Variants in WWP1 observed in about 807,000 individuals in gnomAD.
WWP1 encodes the protein WW domain containing E3 ubiquitin protein ligase 1.
WWP1 carries 49 observed loss-of-function variants against 130.6 expected under a neutral mutation model. The observed-to-expected ratio is 0.38, with a 90% CI of 0.30 to 0.48. The LOEUF is 0.48. WWP1 is among the 20% of genes least tolerant of loss of function. The probability of loss-of-function intolerance (pLI) is 0.99; values close to 1 mark genes in which losing one functional copy is unlikely to be tolerated. For missense variants in WWP1, 809 were observed against 1,100.6 expected (o/e 0.74, Z 3.75); for synonymous variants, 332 against 367.8 (o/e 0.90, Z 1.11).
At chr8:86,431,250 T>C (rs1306616739) in intron 12 of WWP1, among the ~76,000 whole-genome samples, 156 bp from the exon 13 acceptor site, 1 of 143,418 alleles carries the variant, frequency 7.0e-6, no homozygotes, top group Admixed American at 7.2e-5. Flanking sequence ...ATATATATTA[T>C]ATTCTATATA....
At chr8:86,349,833 C>T (rs955750296) in intron 1 of WWP1, among the ~76,000 whole-genome samples, 3 of 151,702 alleles carry the variant, frequency 2.0e-5, no homozygotes, top group Non-Finnish European at 2.9e-5. Context: ...GTGATTTACC[C>T]GATCTCGTGA....
At chr8:86,377,526 T>A (rs1037250372) in intron 3 of WWP1, among the ~76,000 whole-genome samples, 4 of 152,094 alleles carry the variant, frequency 2.6e-5, no homozygotes, top group African/African-American at 4.8e-5. Context: ...TTTTAGCATA[T>A]TTACTCTTAT....
intron 5 of WWP1, among the ~76,000 whole-genome samples, chr8:86,386,439 G>A (rs1014586813): frequency 4.4e-5 from 5 of 113,990 alleles, no homozygotes; most frequent in Non-Finnish European, 6.4e-5. Flanking sequence ...ATAGCAGGCT[G>A]TTCTCTCCCT....
intron 1 of WWP1, among the ~76,000 whole-genome samples, chr8:86,358,996 G>A (rs1823410321): frequency 6.6e-6 from 1 of 152,194 alleles, no homozygotes; most frequent in African/African-American, 2.4e-5. Context: ...GATTAGAAAT[G>A]AAGGAGAAGA....
At chr8:86,464,823 G>A (rs1250672944) in intron 24 of WWP1, among the ~76,000 whole-genome samples, 1 of 152,146 alleles carries the variant, frequency 6.6e-6, no homozygotes, top group Non-Finnish European at 1.5e-5. Context: ...AAGGTTGACA[G>A]TATTTTTAAG....
intron 2 of WWP1, among the ~76,000 whole-genome samples, chr8:86,372,318 G>A (rs1047556778): frequency 1.1e-4 from 16 of 151,998 alleles, no homozygotes; most frequent in African/African-American, 3.6e-4. Flanking sequence ...CACCGCGCCC[G>A]GCCTAATTTT....
intron 1 of WWP1, among the ~76,000 whole-genome samples, chr8:86,346,323 T>C (rs1306382668): frequency 1.3e-5 from 2 of 152,028 alleles, no homozygotes; most frequent in Non-Finnish European, 2.9e-5. Flanking sequence ...ATTGGGAGGC[T>C]GAGGCAGGAG....
chr8:86,389,736 C>G (rs1014769600), intron 5 of WWP1, among the ~76,000 whole-genome samples: 3 of 150,426 alleles, frequency 2.0e-5, no homozygotes, highest in Non-Finnish European at 3.0e-5. Flanking sequence ...GGCGGCCGGG[C>G]AGAGGCGCCC....
At chr8:86,387,753 ACCTCAAGTGATCTGCCTG>A (rs918133784) in intron 5 of WWP1, among the ~76,000 whole-genome samples, 1 of 152,064 alleles carries the variant, frequency 6.6e-6, no homozygotes, top group African/African-American at 2.4e-5. Context: ...CGAACTCCTG[ACCTCAAGTGATCTGCCTG>A]CCTCAGCCTC....
In WWP1 at chr8:86,361,987, TATATAC is replaced by T. The variant is rs1436545068; in HGVS notation, c.-114-6946_-114-6941del. Among the ~76,000 whole-genome samples the T allele has an allele frequency of 3.7e-4, 50 of 135,986 alleles. 1 individual carries two copies. In the South Asian group the frequency reaches 0.011, roughly 29 times the overall value. The allele number at this position is 135,986 out of a possible 152,430, so 89.2% of individuals were successfully genotyped here. A position where few individuals can be genotyped will look rare whatever the true frequency, so the allele number is the denominator to read the frequency against. ...TAGTGTGTGTGTGTATATATATATATATATACATATATATACACACATATATATATA... is the reference window on the plus strand; with the variant it reads ...TAGTGTGTGTGTGTATATATATATATATATATATACACACATATATATATA... On this transcript the variant is annotated intron_variant, in intron 1 of 24. Transcript: ENST00000517970.
At chr8:86,394,364 C>T (rs1012025446) in intron 5 of WWP1, among the ~76,000 whole-genome samples, 2 of 152,154 alleles carry the variant, frequency 1.3e-5, no homozygotes, top group African/African-American at 2.4e-5. Context: ...GAGTAAGTTC[C>T]CCTAGGACAG....
intron 2 of WWP1, among the ~76,000 whole-genome samples, chr8:86,372,785 A>G (rs372073465): frequency 1.6e-3 from 238 of 152,156 alleles, no homozygotes; most frequent in African/African-American, 5.3e-3. Flanking sequence ...CCCCTTCGTT[A>G]GTCTTATCAG....
chr8:86,411,497 T>C, intron 8 of WWP1, 41 bp from the exon 9 acceptor site: 3 of 1,549,688 alleles, frequency 1.9e-6, no homozygotes, highest in Non-Finnish European at 2.6e-6. Context: ...GATTGCTTTA[T>C]CATTACTTGA....
intron 17 of WWP1, chr8:86,440,713 C>T (rs1810546720): frequency 2.2e-6 from 1 of 454,200 alleles, no homozygotes; most frequent in African/African-American, 2.0e-5. Flanking sequence ...TTCCATTTTT[C>T]TTCAGGAACA....
At chr8:86,433,173 T>TGC (rs1170172819) in intron 14 of WWP1, among the ~76,000 whole-genome samples, 5 of 151,962 alleles carry the variant, frequency 3.3e-5, no homozygotes, top group Non-Finnish European at 7.4e-5. Flanking sequence ...GATTTCCCTC[T>TGC]GCGTTTCTGT....
intron 12 of WWP1, 69 bp from the exon 13 acceptor site, chr8:86,431,335 TTA>T (rs1167245017): frequency 6.6e-6 from 3 of 455,276 alleles, no homozygotes; most frequent in African/African-American, 6.5e-5. Context: ...TTATATATAA[TTA>T]TATGTGTTCC....
At chr8:86,382,285 A>G (rs1825027249) in intron 5 of WWP1, among the ~76,000 whole-genome samples, 1 of 152,194 alleles carries the variant, frequency 6.6e-6, no homozygotes, top group Admixed American at 6.5e-5. Flanking sequence ...GAGTTTAATT[A>G]TTTGTAAACC....
chr8:86,357,594 T>A (rs1416944236), intron 1 of WWP1, among the ~76,000 whole-genome samples: 1 of 152,212 alleles, frequency 6.6e-6, no homozygotes, highest in Non-Finnish European at 1.5e-5. Flanking sequence ...CTGGATACAG[T>A]GGCGAGGACT....
In WWP1 at chr8:86,401,214, T is replaced by C. The variant is rs553296199; in HGVS notation, c.540-805T>C. Among the ~76,000 whole-genome samples the C allele has an allele frequency of 5.9e-5, 9 of 152,234 alleles. No individual in the cohort carries two copies. In the East Asian group the frequency reaches 1.7e-3, roughly 29 times the overall value. On this transcript the variant is annotated intron_variant, in intron 7 of 24. Transcript: ENST00000517970. ...TTAGTGCCTAGTATATGCTAATTTGTAACTAATATTTGAAGACTGTTTTTC... is the reference window on the plus strand; with the variant it reads ...TTAGTGCCTAGTATATGCTAATTTGCAACTAATATTTGAAGACTGTTTTTC...
Sources: gnomAD v4.1 joint callset for allele counts (sites outside exome capture counted in the v4.1 genomes callset) on GRCh38, gnomAD v4.1.1 for gene constraint, MANE v1.5 for transcripts, NCBI Gene and HGNC (gene_info 2026-07-23, HGNC 2026-07-21) for gene names.